Variants in STAM2 observed in about 807,000 individuals in gnomAD.
The protein encoded by STAM2 is signal transducing adaptor molecule 2.
In STAM2, 51 loss-of-function variants were observed where a neutral mutation model predicts 65.6. The observed-to-expected ratio is 0.78, with a 90% CI of 0.62 to 0.98. STAM2 has a LOEUF of 0.98. Among genes scored for constraint, STAM2 ranks in the 50% least tolerant of loss-of-function variants. STAM2 has a pLI of 0.00. For missense variants in STAM2, 584 were observed against 617.8 expected, an observed-to-expected ratio of 0.95 and a Z score of 0.58; for synonymous variants, 198 against 208.4, an observed-to-expected ratio of 0.95 and a Z score of 0.43.
chr2:152,152,563 A>AC lies in STAM2; in HGVS notation c.41-2335_41-2334insG, dbSNP rs527416249. Among the ~76,000 whole-genome samples the AC allele has an allele frequency of 2.3e-3, 343 of 151,230 alleles. 1 individual carries two copies. Among genetic ancestry groups the AC allele is most frequent in the Admixed American group, 5.6e-3 (85 of 15,140 alleles). On this transcript the variant is annotated intron_variant, in intron 1 of 13. Transcript: ENST00000263904. ...GACTCTGTCTCAAAAAAAAACAACA[A>AC]AAAAAAAACTTTCTGGCTAATATAA... is the stretch of plus-strand genomic sequence containing the variant.
intron 7 of STAM2, among the ~76,000 whole-genome samples, chr2:152,140,860 C>A (rs1004882936): frequency 2.0e-5 from 3 of 152,002 alleles, no homozygotes; most frequent in Admixed American, 1.3e-4. Context: ...GTGGGCCAGG[C>A]ACAGTGGCTC....
chr2:152,125,521 G>A (rs539756890), intron 12 of STAM2, among the ~76,000 whole-genome samples: 30 of 152,146 alleles, frequency 2.0e-4, no homozygotes, highest in Non-Finnish European at 2.4e-4. Flanking sequence ...TTCAAAAAAC[G>A]CTTCCGAATG....
chr2:152,128,317 G>A (rs905103491), intron 11 of STAM2, among the ~76,000 whole-genome samples: 3 of 152,062 alleles, frequency 2.0e-5, no homozygotes, highest in Non-Finnish European at 4.4e-5. Context: ...TGAGGCTGAG[G>A]GAAGAGAATG....
intron 1 of STAM2, among the ~76,000 whole-genome samples, chr2:152,151,489 A>G (rs2105552326): frequency 6.6e-6 from 1 of 152,318 alleles, no homozygotes; most frequent in Non-Finnish European, 1.5e-5. Context: ...CAGCTACATG[A>G]GTTTTTTAAG....
chr2:152,123,597 C>A (rs767741465), intron 13 of STAM2, among the ~76,000 whole-genome samples, 169 bp downstream of exon 13: 1 of 152,076 alleles, frequency 6.6e-6, no homozygotes, highest in African/African-American at 2.4e-5. Context: ...AGCTTAAGGG[C>A]GGGCAATAAT....
intron 8 of STAM2, among the ~76,000 whole-genome samples, chr2:152,135,240 C>T (rs1433790268): frequency 1.3e-5 from 2 of 152,166 alleles, no homozygotes; most frequent in East Asian, 3.8e-4. Flanking sequence ...ATTTAAATAC[C>T]TGCATGGTCA....
chr2:152,150,480 A>C (rs1032675050), intron 1 of STAM2, among the ~76,000 whole-genome samples: 2 of 152,242 alleles, frequency 1.3e-5, no homozygotes, highest in African/African-American at 4.8e-5. Context: ...TAATCCCATC[A>C]AATTCTAATT....
intron 7 of STAM2, among the ~76,000 whole-genome samples, chr2:152,140,568 T>C (rs1219740991): frequency 6.6e-6 from 1 of 152,242 alleles, no homozygotes; most frequent in Non-Finnish European, 1.5e-5. Context: ...ATAGCAAACC[T>C]GGAAAAACCT....
chr2:152,136,611 C>G (rs1202593363), intron 7 of STAM2, among the ~76,000 whole-genome samples: 2 of 12,694 alleles, frequency 1.6e-4, no homozygotes, highest in African/African-American at 4.5e-4. Context: ...ATAGCCAAGT[C>G]CATATAGAAA....
At chr2:152,173,367 T>TATATACATATATATATATGTATACATAC in intron 1 of STAM2, among the ~76,000 whole-genome samples, 1 of 147,510 alleles carries the variant, frequency 6.8e-6, no homozygotes, top group Non-Finnish European at 1.5e-5. Context: ...TACACACATA[T>TATATACATATATATATATGTATACATAC]ATATACATAT....
In STAM2 at chr2:152,143,875, T is replaced by C. The variant is rs1689292170; in HGVS notation, c.656A>G (p.Asn219Ser). 1.2e-6 allele frequency: 2 copies of C among 1,613,318 alleles called. No homozygotes were observed. The highest frequency in any genetic ancestry group is 1.3e-5 in the African/African-American group (1 of 75,036). The change falls in exon 7 of 14, where the codon AAT (asparagine) becomes AGT (serine). Residue 219 changes from asparagine to serine, a missense_variant. Transcript: ENST00000263904. ...TTCACCATGTTTAAAGGTGAGTTCA[T>C]TGTCCTCAACAGCTTCAAAATCATA... Reference protein sequence around the residue: ...ALYDFEAVEDNELTFKHGEII... With the variant: ...ALYDFEAVEDSELTFKHGEII...
At chr2:152,128,108 CTA>C (rs748719903) in intron 11 of STAM2, among the ~76,000 whole-genome samples, 4 of 152,258 alleles carry the variant, frequency 2.6e-5, no homozygotes, top group Non-Finnish European at 4.4e-5. Context: ...AGGTCAAACT[CTA>C]TTATCAAAAA....
In STAM2 at chr2:152,120,665, T is replaced by C; in HGVS notation, c.1487A>G (p.Asn496Ser). The change falls in exon 14 of 14, where the codon AAT becomes AGT. Residue 496 changes from asparagine (N) to serine (S), a missense_variant. By Grantham distance (46) the Asn-to-Ser change is conservative (BLOSUM62 1). Coordinates refer to ENST00000263904, the MANE Select transcript of STAM2 (RefSeq NM_005843.6). ...DMSSYQNTTSNLPQLAGFPVT... is the reference protein window; with the variant it reads ...DMSSYQNTTSSLPQLAGFPVT... ...CGGAAAGCCTGCCAGTTGAGGCAAA[T>C]TGGAAGTAGTGTTCTGATAAGATGA... The C allele has an allele frequency of 6.2e-7, 1 of 1,614,112 alleles. No homozygotes were observed. Among genetic ancestry groups the C allele is most frequent in the Non-Finnish European group, 8.5e-7 (1 of 1,180,016 alleles).
At chr2:152,136,421 G>A (rs573702377) in intron 7 of STAM2, among the ~76,000 whole-genome samples, 33 of 151,976 alleles carry the variant, frequency 2.2e-4, no homozygotes, top group African/African-American at 7.2e-4. Flanking sequence ...CCAGCCTGGA[G>A]GATAGAGACT....
chr2:152,163,767 C>T (rs1049412779), intron 1 of STAM2, among the ~76,000 whole-genome samples: 6 of 152,090 alleles, frequency 3.9e-5, no homozygotes, highest in Non-Finnish European at 5.9e-5. Context: ...TATAAACGGC[C>T]GCTCTGGGAG....
At chr2:152,157,398 A>G (rs1403146657) in intron 1 of STAM2, among the ~76,000 whole-genome samples, 1 of 152,218 alleles carries the variant, frequency 6.6e-6, no homozygotes, top group Admixed American at 6.5e-5. Context: ...GAGGCCTCTA[A>G]GGAAGTAATT....
chr2:152,169,364 C>T (rs1292819456), intron 1 of STAM2, among the ~76,000 whole-genome samples: 29 of 152,020 alleles, frequency 1.9e-4, no homozygotes, highest in Admixed American at 1.9e-3. Flanking sequence ...GCAGCCTCAA[C>T]CTCCCTAGCT....
chr2:152,137,862 A>G (rs2105540125), intron 7 of STAM2, among the ~76,000 whole-genome samples: 1 of 152,278 alleles, frequency 6.6e-6, no homozygotes, highest in Non-Finnish European at 1.5e-5. Flanking sequence ...AAAATTTATT[A>G]AATAGTCCAC....
At chr2:152,143,047 T>A (rs1451765325) in intron 7 of STAM2, among the ~76,000 whole-genome samples, 1 of 152,218 alleles carries the variant, frequency 6.6e-6, no homozygotes, top group East Asian at 1.9e-4. Context: ...TATATGGTAA[T>A]TTTAACTCCC....
Sources: allele counts gnomAD v4.1 joint callset (sites outside exome capture counted in the v4.1 genomes callset), GRCh38; gene constraint gnomAD v4.1.1; transcripts MANE v1.5; gene names NCBI Gene and HGNC (gene_info 2026-07-23, HGNC 2026-07-21).